Variants in CRISPLD1 observed in about 807,000 individuals in gnomAD.
The protein encoded by CRISPLD1 is cysteine rich secretory protein LCCL domain containing 1, also known as cysteine-rich secretory protein LCCL domain-containing 1.
In CRISPLD1, 60 loss-of-function variants were observed where a neutral mutation model predicts 77.5. The ratio of observed to expected loss-of-function variants is 0.77; its 90% confidence interval spans 0.63 to 0.96. The LOEUF is 0.96. CRISPLD1 is among the 40% of genes least tolerant of loss of function. The pLI, the probability that CRISPLD1 is intolerant of heterozygous loss-of-function variation, is 0.00. For synonymous variants in CRISPLD1, 195 were observed against 200.1 expected, an observed-to-expected ratio of 0.97 and a Z score of 0.22; for missense variants, 623 against 615.8, an observed-to-expected ratio of 1.01 and a Z score of -0.12.
At chr8:75,022,942 A>G (rs2128787727) in intron 12 of CRISPLD1, among the ~76,000 whole-genome samples, 1 of 152,236 alleles carries the variant, frequency 6.6e-6, no homozygotes, top group South Asian at 2.1e-4. Context: ...AAAAATTATA[A>G]GAAATGTTAT....
chr8:75,028,869 GA>G (rs944845763), intron 13 of CRISPLD1, among the ~76,000 whole-genome samples: 2 of 151,560 alleles, frequency 1.3e-5, no homozygotes, highest in East Asian at 2.0e-4. Context: ...TATTTACTAA[GA>G]AAAAAACTGC....
At chr8:75,021,124 A>G (rs188000516) in intron 12 of CRISPLD1, among the ~76,000 whole-genome samples, 2 of 152,300 alleles carry the variant, frequency 1.3e-5, no homozygotes, top group East Asian at 3.9e-4. Flanking sequence ...CTAAAAACTT[A>G]AGGAGCTTAA....
intron 2 of CRISPLD1, among the ~76,000 whole-genome samples, chr8:75,006,029 T>C (rs1812824881): frequency 6.6e-6 from 1 of 152,144 alleles, no homozygotes; most frequent in Admixed American, 6.6e-5. Context: ...TAGTGAACAT[T>C]GTACCCAATT....
intron 2 of CRISPLD1, among the ~76,000 whole-genome samples, chr8:75,003,994 T>C (rs1037492131): frequency 2.6e-5 from 4 of 152,206 alleles, no homozygotes; most frequent in African/African-American, 4.8e-5. Context: ...TATTAAGTTT[T>C]CATTACAAAA....
At position 75,033,201 on chromosome 8, in the gene CRISPLD1, C is replaced by T. The variant is rs1401188635; in HGVS notation, c.*959C>T. On this transcript the variant is annotated 3_prime_UTR_variant, in exon 15 of 15. Transcript: ENST00000262207. ...TGTATTGTGCTTTGATACTAAAAAT[C>T]TGTAAAATGTTAGTTTTGGTAATTT... The T allele has an allele frequency of 6.6e-6, 1 of 152,080 alleles. No individual in the cohort carries two copies. The highest frequency in any genetic ancestry group is 2.4e-5 in the African/African-American group (1 of 41,300). The allele number at this position is 152,080 out of a possible 1,614,324, so 9.4% of individuals were successfully genotyped here.
intron 4 of CRISPLD1, 31 bp from the exon 5 acceptor site, chr8:75,013,956 T>C: frequency 6.8e-7 from 1 of 1,479,496 alleles, no homozygotes; most frequent in Admixed American, 1.7e-5. Flanking sequence ...TTCAGCCTGC[T>C]TTTTCTGAGC....
intron 2 of CRISPLD1, among the ~76,000 whole-genome samples, chr8:75,001,830 C>G (rs1587009567): frequency 6.6e-6 from 1 of 152,098 alleles, no homozygotes; most frequent in South Asian, 2.1e-4. Flanking sequence ...TAGCACTATT[C>G]CATTTTCTTA....
At chr8:74,994,907 C>T (rs1359525299) in intron 2 of CRISPLD1, among the ~76,000 whole-genome samples, 1 of 151,998 alleles carries the variant, frequency 6.6e-6, no homozygotes, top group African/African-American at 2.4e-5. Context: ...ATGGATAGAC[C>T]AGCTTTAGGT....
At chr8:75,031,335 AATT>A (rs1306707243) in intron 14 of CRISPLD1, among the ~76,000 whole-genome samples, 1 of 152,084 alleles carries the variant, frequency 6.6e-6, no homozygotes, top group Non-Finnish European at 1.5e-5. Context: ...AGTCTTTTGT[AATT>A]ATTAAGAAAA....
chr8:74,986,381 G>T (rs796373377), intron 2 of CRISPLD1, 136 bp downstream of exon 2: 1 of 895,096 alleles, frequency 1.1e-6, no homozygotes. Flanking sequence ...ATTTTCCTCT[G>T]CATATTCGTT....
At chr8:74,987,014 G>A (rs1479106119) in intron 2 of CRISPLD1, among the ~76,000 whole-genome samples, 2 of 152,136 alleles carry the variant, frequency 1.3e-5, no homozygotes, top group Non-Finnish European at 2.9e-5. Context: ...GAATGCACTA[G>A]CAAAGCCTGA....
At chr8:75,000,301 A>ACTT (rs1812718606) in intron 2 of CRISPLD1, 1 of 985,268 alleles carries the variant, frequency 1.0e-6, no homozygotes, top group South Asian at 4.7e-5. Context: ...AAATGATAAA[A>ACTT]GTGTTGAGAG....
At chr8:75,008,823 G>A (rs905134885) in intron 2 of CRISPLD1, among the ~76,000 whole-genome samples, 2 of 152,070 alleles carry the variant, frequency 1.3e-5, no homozygotes, top group East Asian at 1.9e-4. Flanking sequence ...CAAAGTGATC[G>A]GAGTTACCTT....
chr8:75,007,441 C>T (rs1812851714), intron 2 of CRISPLD1, among the ~76,000 whole-genome samples: 1 of 116,532 alleles, frequency 8.6e-6, no homozygotes, highest in South Asian at 2.3e-4. Flanking sequence ...CCAGTGGGAG[C>T]TCAACTCATG....
intron 13 of CRISPLD1, among the ~76,000 whole-genome samples, chr8:75,028,654 A>G (rs895860665): frequency 3.9e-5 from 6 of 152,186 alleles, no homozygotes; most frequent in African/African-American, 1.4e-4. Flanking sequence ...ACCTGAAACA[A>G]CAATTTTCTT....
At chr8:74,993,169 C>A (rs560537704) in intron 2 of CRISPLD1, among the ~76,000 whole-genome samples, 1 of 152,128 alleles carries the variant, frequency 6.6e-6, no homozygotes, top group Non-Finnish European at 1.5e-5. Flanking sequence ...GTTTCCTAAT[C>A]TTGGTACAAG....
At chr8:74,992,860 T>A (rs1812592466) in intron 2 of CRISPLD1, among the ~76,000 whole-genome samples, 1 of 152,066 alleles carries the variant, frequency 6.6e-6, no homozygotes, top group South Asian at 2.1e-4. Context: ...TTTCAATTGG[T>A]TACTTATGTT....
intron 2 of CRISPLD1, among the ~76,000 whole-genome samples, chr8:75,007,191 A>G (rs981781375): frequency 2.0e-5 from 3 of 152,206 alleles, no homozygotes; most frequent in African/African-American, 7.2e-5. Context: ...TTTTCATATT[A>G]TGTAAATCTG....
At chr8:75,030,078 G>C (rs1360446214) in intron 14 of CRISPLD1, among the ~76,000 whole-genome samples, 1 of 151,712 alleles carries the variant, frequency 6.6e-6, no homozygotes, top group Non-Finnish European at 1.5e-5. Flanking sequence ...ACTTTATCAG[G>C]TATCAATAAA....
Sources: allele counts gnomAD v4.1 joint callset (sites outside exome capture counted in the v4.1 genomes callset), GRCh38; gene constraint gnomAD v4.1.1; transcripts MANE v1.5; gene names NCBI Gene and HGNC (gene_info 2026-07-23, HGNC 2026-07-21).